The following MAP3K9 variants were observed in gnomAD, a reference collection of about 807,000 sequenced individuals.
MAP3K9 encodes the protein mixed lineage kinase 1 (tyr and ser/thr specificity).
In MAP3K9, 46 loss-of-function variants were observed where a neutral mutation model predicts 95.8. That is an observed-to-expected ratio of 0.48 (90% CI 0.38 to 0.61). The LOEUF (loss-of-function observed/expected upper bound fraction) is 0.61, where lower values mean the gene tolerates loss of function less well. Ranked by LOEUF, MAP3K9 falls within the 20% of genes least tolerant of loss-of-function variation. The pLI is 0.00. For synonymous variants in MAP3K9, 533 were observed against 593.8 expected (o/e 0.90, Z 1.49); for missense variants, 1,296 against 1,474.3 (o/e 0.88, Z 1.98).
chr14:70,741,014 C>T (rs2054062780), intron 6 of MAP3K9, among the ~76,000 whole-genome samples: 1 of 152,202 alleles, frequency 6.6e-6, no homozygotes, highest in Non-Finnish European at 1.5e-5. Flanking sequence ...GTTCCCTTAT[C>T]TGTACTTAAT....
chr14:70,744,603 G>C (rs775904845), intron 5 of MAP3K9, among the ~76,000 whole-genome samples: 5 of 152,144 alleles, frequency 3.3e-5, no homozygotes, highest in Non-Finnish European at 7.4e-5. Context: ...TGCTCTAGAA[G>C]AATCACAAAA....
At chr14:70,798,471 GTT>G (rs1170327816) in intron 2 of MAP3K9, among the ~76,000 whole-genome samples, 23 of 65,424 alleles carry the variant, frequency 3.5e-4, no homozygotes, top group Admixed American at 1.6e-3. Context: ...GTCACCAAAA[GTT>G]TTTTTTTTTT....
At chr14:70,806,211 AGACTTCAAT>A (rs1278730260) in intron 1 of MAP3K9, among the ~76,000 whole-genome samples, 7 of 152,200 alleles carry the variant, frequency 4.6e-5, no homozygotes, top group Non-Finnish European at 8.8e-5. Context: ...TAGAGCACAT[AGACTTCAAT>A]GACCGCCCAT....
chr14:70,755,595 C>T (rs1165312930), intron 3 of MAP3K9, among the ~76,000 whole-genome samples: 1 of 152,212 alleles, frequency 6.6e-6, no homozygotes, highest in East Asian at 1.9e-4. Context: ...GTGGTAACAA[C>T]TGTTACCAGT....
chr14:70,746,497 A>G (rs61988428), intron 5 of MAP3K9, among the ~76,000 whole-genome samples: 3,936 of 152,354 alleles, frequency 0.026, 85 homozygotes, highest in South Asian at 0.032. Context: ...CTCACTTACC[A>G]AACAACAAGC....
chr14:70,724,836 T>A lies in MAP3K9; in HGVS notation c.*5544A>T, dbSNP rs1034470553. Reference sequence around the variant, plus strand: ...TCTGGGTTCAGAATGCCCAGACGTCTATCCCTCATGTTCCGGTAGGAGAGG... The same window carrying A: ...TCTGGGTTCAGAATGCCCAGACGTCAATCCCTCATGTTCCGGTAGGAGAGG... On this transcript the variant is annotated 3_prime_UTR_variant, in exon 12 of 12. Coordinates refer to ENST00000554752, the MANE Select transcript of MAP3K9 (RefSeq NM_001284230.2). 6.6e-6 allele frequency: 1 copy of A among 152,220 alleles called. No individual in the cohort carries two copies. Among genetic ancestry groups the A allele is most frequent in the Admixed American group, 6.5e-5 (1 of 15,288 alleles). 9.4% of individuals were successfully genotyped at this position (152,220 alleles called of 1,614,324 possible). A position where few individuals can be genotyped will look rare whatever the true frequency, so the allele number is the denominator to read the frequency against.
At chr14:70,759,580 G>A (rs1467256906) in intron 3 of MAP3K9, among the ~76,000 whole-genome samples, 1 of 152,170 alleles carries the variant, frequency 6.6e-6, no homozygotes, top group Non-Finnish European at 1.5e-5. Context: ...AGAGTCTCTG[G>A]AGGGTGTGGC....
chr14:70,775,843 G>A (rs1294407330), intron 2 of MAP3K9, among the ~76,000 whole-genome samples: 1 of 152,206 alleles, frequency 6.6e-6, no homozygotes, highest in Non-Finnish European at 1.5e-5. Context: ...TATCCTTCTA[G>A]GGAAGGGAAC....
At chr14:70,807,763 C>A (rs1469102689) in intron 1 of MAP3K9, among the ~76,000 whole-genome samples, 1 of 151,994 alleles carries the variant, frequency 6.6e-6, no homozygotes, top group African/African-American at 2.4e-5. Context: ...GAGATATTTA[C>A]ATGTTTTTTT....
At chr14:70,787,283 C>T (rs1392759075) in intron 2 of MAP3K9, among the ~76,000 whole-genome samples, 2 of 151,836 alleles carry the variant, frequency 1.3e-5, no homozygotes, top group African/African-American at 2.4e-5. Flanking sequence ...CCAAGACGGG[C>T]GGATCACAAG....
intron 2 of MAP3K9, among the ~76,000 whole-genome samples, chr14:70,796,721 C>T (rs78773615): frequency 0.012 from 1,753 of 152,300 alleles, 44 homozygotes; most frequent in African/African-American, 0.04. Context: ...TTCCCCTCAT[C>T]CTTCAGGCCT....
chr14:70,792,469 A>G (rs1220181247), intron 2 of MAP3K9, among the ~76,000 whole-genome samples: 1 of 152,184 alleles, frequency 6.6e-6, no homozygotes, highest in Non-Finnish European at 1.5e-5. Flanking sequence ...TACCTCTCAA[A>G]AAGGACCAAG....
intron 2 of MAP3K9, among the ~76,000 whole-genome samples, chr14:70,799,200 G>A (rs1223085893): frequency 6.6e-6 from 1 of 151,916 alleles, no homozygotes; most frequent in Non-Finnish European, 1.5e-5. Flanking sequence ...ATGGGGTCTC[G>A]CTATGTTGCC....
Position 70,730,250 on chromosome 14 carries a change from T to C in MAP3K9, c.*130A>G. ...TGGCCCTGTTTCCATCCCTTCCATC[T>C]TCAAAGTGCATTATCAGTGCAAGAA... On this transcript the variant is annotated 3_prime_UTR_variant, in exon 12 of 12. Coordinates refer to ENST00000554752, the MANE Select transcript of MAP3K9 (RefSeq NM_001284230.2). The C allele has an allele frequency of 7.3e-7, 1 of 1,367,338 alleles. No homozygotes were observed. Among genetic ancestry groups the C allele is most frequent in the Non-Finnish European group, 9.9e-7 (1 of 1,013,710 alleles). 84.7% of individuals were successfully genotyped at this position (1,367,338 alleles called of 1,614,324 possible).
At chr14:70,804,815 G>A (rs2054972699) in intron 1 of MAP3K9, among the ~76,000 whole-genome samples, 1 of 152,144 alleles carries the variant, frequency 6.6e-6, no homozygotes, top group South Asian at 2.1e-4. Context: ...AAAAATCTCA[G>A]GTTCTTGCTA....
intron 2 of MAP3K9, among the ~76,000 whole-genome samples, chr14:70,799,443 C>T (rs1426880812): frequency 6.6e-6 from 1 of 152,168 alleles, no homozygotes; most frequent in Non-Finnish European, 1.5e-5. Flanking sequence ...GGGTTCACAC[C>T]ATTCTCCTGC....
chr14:70,787,653 C>G (rs986105719), intron 2 of MAP3K9, among the ~76,000 whole-genome samples: 15 of 152,122 alleles, frequency 9.9e-5, no homozygotes, highest in African/African-American at 3.6e-4. Context: ...CATTGGGCTT[C>G]TGACTTTACA....
intron 5 of MAP3K9, among the ~76,000 whole-genome samples, chr14:70,743,052 T>C (rs1473484847): frequency 6.6e-6 from 1 of 151,986 alleles, no homozygotes; most frequent in Non-Finnish European, 1.5e-5. Context: ...AGCGGTGCGA[T>C]CTCAGCCCAC....
intron 2 of MAP3K9, among the ~76,000 whole-genome samples, chr14:70,797,582 A>T (rs1201305194): frequency 6.6e-6 from 1 of 152,116 alleles, no homozygotes; most frequent in Non-Finnish European, 1.5e-5. Context: ...TACTAAAAAT[A>T]CAAAAATTAG....
Sources: allele counts gnomAD v4.1 joint callset (sites outside exome capture counted in the v4.1 genomes callset), GRCh38; gene constraint gnomAD v4.1.1; transcripts MANE v1.5; gene names NCBI Gene and HGNC (gene_info 2026-07-23, HGNC 2026-07-21).